MBD5: variants seen among roughly 807,000 people sequenced by gnomAD.
The protein encoded by MBD5 is methyl-CpG binding domain protein 5.
In MBD5, 13 loss-of-function variants were observed where a neutral mutation model predicts 117.3. The observed-to-expected ratio is 0.11, with a 90% confidence interval of 0.07 to 0.18. MBD5 has a LOEUF of 0.18. Ranked by LOEUF, MBD5 falls within the 10% of genes least tolerant of loss-of-function variation. The pLI, the probability that MBD5 is intolerant of heterozygous loss-of-function variation, is 1.00. For missense variants in MBD5, 1,879 were observed against 2,093.8 expected, an observed-to-expected ratio of 0.90 and a Z score of 2.00; for synonymous variants, 727 against 766.4, an observed-to-expected ratio of 0.95 and a Z score of 0.85.
chr2:148,314,876 G>T (rs1157862082), intron 3 of MBD5, among the ~76,000 whole-genome samples: 2 of 152,086 alleles, frequency 1.3e-5, no homozygotes, highest in African/African-American at 4.8e-5. Flanking sequence ...TTATTTTAGG[G>T]ATGGTTATTA....
intron 12 of MBD5, among the ~76,000 whole-genome samples, chr2:148,503,683 G>T (rs1048377102): frequency 6.6e-6 from 1 of 152,178 alleles, no homozygotes; most frequent in African/African-American, 2.4e-5. Context: ...CTGTGTGAAA[G>T]GCCAAGTTAA....
intron 2 of MBD5, among the ~76,000 whole-genome samples, chr2:148,199,504 C>T (rs555224694): frequency 6.6e-6 from 1 of 152,242 alleles, no homozygotes; most frequent in East Asian, 1.9e-4. Flanking sequence ...CACGGTGGCT[C>T]ATGTCTATAA....
intron 5 of MBD5, 30 bp downstream of exon 5, chr2:148,458,901 G>C (rs1706969352): frequency 6.4e-7 from 1 of 1,552,686 alleles, no homozygotes; most frequent in Non-Finnish European, 8.9e-7. Flanking sequence ...TGTGGTACCT[G>C]CAAAGTTGTA....
chr2:148,436,616 C>G (rs959876979), intron 4 of MBD5, among the ~76,000 whole-genome samples: 2 of 152,134 alleles, frequency 1.3e-5, no homozygotes, highest in Admixed American at 1.3e-4. Flanking sequence ...AGGTGATCTG[C>G]CTGCCTCAGC....
chr2:148,385,630 A>T (rs567838994), intron 4 of MBD5, among the ~76,000 whole-genome samples: 1 of 152,218 alleles, frequency 6.6e-6, no homozygotes, highest in South Asian at 2.1e-4. Context: ...AGAGGATTAT[A>T]AATCATGCTG....
chr2:148,289,686 A>G lies in MBD5; in HGVS notation c.-679-52528A>G, dbSNP rs892678847. On this transcript the variant is annotated intron_variant, in intron 3 of 13. Coordinates refer to ENST00000642680, the MANE Select transcript of MBD5 (RefSeq NM_001378120.1). ...CAACCTAAATGGTAAACAGTAGTGA[A>G]TGGTAATGAACAAATTACAATGCAA... 2.5e-4 allele frequency among the ~76,000 whole-genome samples: 38 copies of G among 152,212 alleles called. 1 individual carries two copies. Among genetic ancestry groups the G allele is most frequent in the African/African-American group, 7.7e-4 (32 of 41,464 alleles).
chr2:148,257,568 G>A (rs1403893060), intron 3 of MBD5, among the ~76,000 whole-genome samples: 1 of 152,152 alleles, frequency 6.6e-6, no homozygotes, highest in African/African-American at 2.4e-5. Flanking sequence ...CGGCCCAACT[G>A]CATGCTGCCA....
At chr2:148,473,773 G>A (rs1680870652) in intron 8 of MBD5, among the ~76,000 whole-genome samples, 1 of 152,126 alleles carries the variant, frequency 6.6e-6, no homozygotes, top group South Asian at 2.1e-4. Flanking sequence ...TAAATACTTT[G>A]AAGAATTTCT....
At chr2:148,225,677 G>A (rs1699801574) in intron 2 of MBD5, among the ~76,000 whole-genome samples, 2 of 152,010 alleles carry the variant, frequency 1.3e-5, no homozygotes, top group East Asian at 1.9e-4. Context: ...TGTTTGTCTG[G>A]GAAAGCCTTT....
chr2:148,140,318 C>T (rs1697282916), intron 1 of MBD5, among the ~76,000 whole-genome samples: 1 of 152,086 alleles, frequency 6.6e-6, no homozygotes, highest in Non-Finnish European at 1.5e-5. Context: ...CCAAACACTA[C>T]TACTAATTTT....
intron 3 of MBD5, among the ~76,000 whole-genome samples, chr2:148,261,906 T>A (rs564006389): frequency 1.3e-5 from 2 of 152,294 alleles, no homozygotes; most frequent in East Asian, 1.9e-4. Context: ...TTGTTGTGTC[T>A]TAGGGGAGAG....
intron 3 of MBD5, among the ~76,000 whole-genome samples, chr2:148,320,974 T>A (rs1702268286): frequency 6.6e-6 from 1 of 152,202 alleles, no homozygotes; most frequent in Admixed American, 6.5e-5. Context: ...TTCCTTTTTA[T>A]TTTTTGTCTC....
chr2:148,307,588 A>C (rs1050153556), intron 3 of MBD5, among the ~76,000 whole-genome samples: 1 of 152,134 alleles, frequency 6.6e-6, no homozygotes, highest in Non-Finnish European at 1.5e-5. Context: ...TTTGCACACA[A>C]AGTTGTTTCC....
intron 4 of MBD5, among the ~76,000 whole-genome samples, chr2:148,405,697 G>A (rs13402009): frequency 0.017 from 2,553 of 152,144 alleles, 76 homozygotes; most frequent in African/African-American, 0.058. Flanking sequence ...TATACCTGAG[G>A]CACTTAGAAA....
intron 2 of MBD5, among the ~76,000 whole-genome samples, chr2:148,219,003 G>A (rs990111491): frequency 1.8e-4 from 28 of 152,140 alleles, no homozygotes; most frequent in African/African-American, 6.8e-4. Flanking sequence ...TTAGTTTACT[G>A]TAACTTTTAC....
chr2:148,367,234 C>G (rs1355479580), intron 4 of MBD5, among the ~76,000 whole-genome samples: 2 of 152,110 alleles, frequency 1.3e-5, no homozygotes. Context: ...GGGAAAGATT[C>G]CCTATTTAAT....
chr2:148,120,726 T>A (rs562691931), intron 1 of MBD5, among the ~76,000 whole-genome samples: 1 of 152,342 alleles, frequency 6.6e-6, no homozygotes, highest in East Asian at 1.9e-4. Flanking sequence ...CCTCTGCAAA[T>A]AAAGATTGAT....
chr2:148,108,207 G>C (rs1200349058), intron 1 of MBD5, among the ~76,000 whole-genome samples: 1 of 152,104 alleles, frequency 6.6e-6, no homozygotes, highest in Admixed American at 6.5e-5. Context: ...CAGAGTATCA[G>C]AATTTGCATT....
At chr2:148,107,106 T>G (rs1574021019) in intron 1 of MBD5, among the ~76,000 whole-genome samples, 2 of 152,026 alleles carry the variant, frequency 1.3e-5, no homozygotes, top group Admixed American at 1.3e-4. Flanking sequence ...TAGTAAAACC[T>G]CTCAATCCTT....
Sources: gnomAD v4.1 joint callset for allele counts (sites outside exome capture counted in the v4.1 genomes callset) on GRCh38, gnomAD v4.1.1 for gene constraint, MANE v1.5 for transcripts, NCBI Gene and HGNC (gene_info 2026-07-23, HGNC 2026-07-21) for gene names.